The following FAM90A26 variants were observed in gnomAD, a reference collection of about 807,000 sequenced individuals.
FAM90A26 encodes the protein family with sequence similarity 90 member A26.
exon 7 of FAM90A26, chr4:9,176,104 C>A: frequency 4.3e-6 from 1 of 234,958 alleles, no homozygotes; most frequent in South Asian, 4.5e-5. Context: ...TCCCACCGAA[C>A]GTCCTCTATG....
At position 9,172,646 on chromosome 4, in the gene FAM90A26, GT is replaced by G. The variant is rs1416053640; in HGVS notation, c.-56-469del. 3.3e-4 allele frequency among the ~76,000 whole-genome samples: 8 copies of G among 24,600 alleles called. 4 individuals are homozygous for G. The East Asian group carries it at 7.7e-3, about 24-fold the overall frequency. The allele number at this position is 24,600 out of a possible 152,430, so 16.1% of individuals were successfully genotyped here. On this transcript the variant is annotated intron_variant, in intron 3 of 6. Coordinates refer to ENST00000512047, the Ensembl canonical transcript of FAM90A26. ...TCTCTCTATGAATTTGTGTTTGGAA[GT>G]TGCCTAATGAAATGGCAGGAGTAGC...
intron 3 of FAM90A26, 68 bp from the exon 4 acceptor site, chr4:9,173,049 G>A: frequency 9.0e-6 from 1 of 111,356 alleles, no homozygotes; most frequent in South Asian, 6.6e-5. Flanking sequence ...TTAGCGGGGG[G>A]GCTACCTGTG....
rs775199927 is a variant in FAM90A26, at chr4:9,171,179, C to CA, written c.-420-327dup. On this transcript the variant is annotated intron_variant, in intron 1 of 6. Coordinates refer to ENST00000512047, the Ensembl canonical transcript of FAM90A26. Reference sequence around the variant, plus strand: ...CTGGGCGACAGAGACTTTGTCTCAACAAAAAAAAAAAAAAAAAAAAAAAAA... The same window carrying CA: ...CTGGGCGACAGAGACTTTGTCTCAACAAAAAAAAAAAAAAAAAAAAAAAAAA... 2.3e-3 allele frequency among the ~76,000 whole-genome samples: 8 copies of CA among 3,434 alleles called. 4 individuals are homozygous for CA. The highest frequency in any genetic ancestry group is 3.7e-3 in the Non-Finnish European group (8 of 2,180). 2.3% of individuals were successfully genotyped at this position (3,434 alleles called of 152,430 possible). A position where few individuals can be genotyped will look rare whatever the true frequency, so the allele number is the denominator to read the frequency against.
exon 7 of FAM90A26, chr4:9,175,301 G>A (rs767706178): frequency 3.6e-6 from 1 of 279,664 alleles, no homozygotes; most frequent in East Asian, 1.1e-4. Context: ...GTCTGACAGG[G>A]GCTCCGCCTT....
Position 9,170,409 on chromosome 4 carries a change from G to A in FAM90A26, c.-534G>A. 1.9e-5 allele frequency: 3 copies of A among 157,352 alleles called. 1 individual carries two copies. Among genetic ancestry groups the A allele is most frequent in the South Asian group, 4.9e-5 (1 of 20,580 alleles). The allele number at this position is 157,352 out of a possible 1,614,324, so 9.7% of individuals were successfully genotyped here. A position where few individuals can be genotyped will look rare whatever the true frequency, so the allele number is the denominator to read the frequency against. ...CGGCAGCTCTAGTCAGGCCCCATCTGGGCCCTTCCAGAAGCAACCCAGGAG... is the reference window on the plus strand; with the variant it reads ...CGGCAGCTCTAGTCAGGCCCCATCTAGGCCCTTCCAGAAGCAACCCAGGAG... On this transcript the variant is annotated 5_prime_UTR_variant, in exon 1 of 7. Transcript: ENST00000512047.
chr4:9,174,521 CG>C lies in FAM90A26; in HGVS notation c.398del (p.Arg133GlnfsTer11). On this transcript the variant is annotated frameshift_variant, in exon 6 of 7. Transcript: ENST00000512047. LOFTEE classifies it low-confidence loss of function (END_TRUNC). ...ACCTCCAGAGAAGCCGCTGCCAAAT[CG>C]AAAAGGATCCACGGAATCTTCTGTT... The C allele has an allele frequency of 4.5e-5, 10 of 220,146 alleles. No homozygotes were observed. Among genetic ancestry groups the C allele is most frequent in the East Asian group, 1.1e-4 (1 of 8,846 alleles). The allele number at this position is 220,146 out of a possible 1,614,324, so 13.6% of individuals were successfully genotyped here.
In FAM90A26 at chr4:9,175,538, C is replaced by CAA; in HGVS notation, c.766_767insAA (p.Pro256GlnfsTer11). On this transcript the variant is annotated frameshift_variant, in exon 7 of 7. Transcript: ENST00000512047. LOFTEE classifies it low-confidence loss of function (END_TRUNC). ...CCACGGCCTGCTCCAGGCCATCAGC[C>CAA]CCCAGGCACAAGACAAACGTCCTGC... The CAA allele has an allele frequency of 3.5e-6, 1 of 283,172 alleles. No individual in the cohort carries two copies. Among genetic ancestry groups the CAA allele is most frequent in the Non-Finnish European group, 5.0e-6 (1 of 198,484 alleles). 17.5% of individuals were successfully genotyped at this position (283,172 alleles called of 1,614,324 possible).
chr4:9,175,327 C>A (rs1226321686), exon 7 of FAM90A26: 2 of 282,184 alleles, frequency 7.1e-6, no homozygotes, highest in East Asian at 2.2e-4. Flanking sequence ...CACTGTCTCC[C>A]CTCAGAAAAG....
At position 9,176,259 on chromosome 4, in the gene FAM90A26, G is replaced by T. The variant is rs1713509658; in HGVS notation, c.*92G>T. The T allele has an allele frequency of 1.6e-5, 2 of 124,134 alleles. 1 individual carries two copies. Among genetic ancestry groups the T allele is most frequent in the Non-Finnish European group, 2.9e-5 (2 of 68,862 alleles). 7.7% of individuals were successfully genotyped at this position (124,134 alleles called of 1,614,324 possible). Reference sequence around the variant, plus strand: ...GAGCTCAGAGCAGAGAGCAGACTCTGTGCGGTGACTCCGAAGCTCCCCGGC... The same window carrying T: ...GAGCTCAGAGCAGAGAGCAGACTCTTTGCGGTGACTCCGAAGCTCCCCGGC... On this transcript the variant is annotated 3_prime_UTR_variant, in exon 7 of 7. Transcript: ENST00000512047.
intron 3 of FAM90A26, among the ~76,000 whole-genome samples, chr4:9,172,425 T>TG (rs1215181009): frequency 0.035 from 1,379 of 39,566 alleles, 98 homozygotes; most frequent in African/African-American, 0.11. Context: ...AAAAGGACTT[T>TG]GGAAAAAAGG....
At position 9,176,262 on chromosome 4, in the gene FAM90A26, C is replaced by A; in HGVS notation, c.*95C>A. 2 of 120,748 alleles carry A rather than the reference C, an allele frequency of 1.7e-5. 1 individual carries two copies. The highest frequency in any genetic ancestry group is 2.8e-4 in the East Asian group (2 of 7,048). The allele number at this position is 120,748 out of a possible 1,614,324, so 7.5% of individuals were successfully genotyped here. The stretch of plus-strand genomic sequence containing the variant: ...CTCAGAGCAGAGAGCAGACTCTGTG[C>A]GGTGACTCCGAAGCTCCCCGGCTGT... On this transcript the variant is annotated 3_prime_UTR_variant, in exon 7 of 7. Transcript: ENST00000512047.
Position 9,176,627 on chromosome 4 carries a change from G to A in FAM90A26, c.*460G>A, listed in dbSNP as rs1224026718. The A allele has an allele frequency of 7.3e-5, 2 of 27,544 alleles. 1 individual carries two copies. The highest frequency in any genetic ancestry group is 1.5e-4 in the Non-Finnish European group (2 of 13,266). 1.7% of individuals were successfully genotyped at this position (27,544 alleles called of 1,614,324 possible). A position where few individuals can be genotyped will look rare whatever the true frequency, so the allele number is the denominator to read the frequency against. The stretch of plus-strand genomic sequence containing the variant: ...CGCTGGGAAGCGTGCTGTGCAAAGC[G>A]CTCTCGGGGTCTTTCCTCAGCCTCG... On this transcript the variant is annotated 3_prime_UTR_variant, in exon 7 of 7. Transcript: ENST00000512047.
chr4:9,175,624 C>A, exon 7 of FAM90A26: 1 of 264,704 alleles, frequency 3.8e-6, no homozygotes, highest in Non-Finnish European at 5.5e-6. Context: ...GCTCCAATCT[C>A]AGCTTCGGGC....
chr4:9,173,251 C>T lies in FAM90A26; in HGVS notation c.79C>T (p.Pro27Ser), dbSNP rs1200666924. 7.8e-6 allele frequency: 2 copies of T among 255,282 alleles called. 1 individual carries two copies. The highest frequency in any genetic ancestry group is 3.1e-4 in the African/African-American group (2 of 6,412). 15.8% of individuals were successfully genotyped at this position (255,282 alleles called of 1,614,324 possible). ...GACCCTCCAGAAGCAGCGGAGAGCC[C>T]CAGTTGGGCCAAGGGCTCCCCCGCC... The change falls in exon 4 of 7, where the codon CCA becomes TCA. Residue 27 changes from proline (P) to serine (S), a missense_variant. Transcript: ENST00000512047.
rs1468901949 is a variant in FAM90A26 at position 9,170,990 on chromosome 4, C to T, written c.-421+468C>T. On this transcript the variant is annotated intron_variant, in intron 1 of 6. Transcript: ENST00000512047. Reference sequence around the variant, plus strand: ...CCTGAGGTCAGGAGTTCAAGACCAGCCTGGCCAACATGGTGAAACACTGTT... The same window carrying T: ...CCTGAGGTCAGGAGTTCAAGACCAGTCTGGCCAACATGGTGAAACACTGTT... 1.8e-4 allele frequency among the ~76,000 whole-genome samples: 4 copies of T among 22,670 alleles called. 1 individual carries two copies. In the South Asian group the frequency reaches 2.8e-3, roughly 16 times the overall value. The allele number at this position is 22,670 out of a possible 152,430, so 14.9% of individuals were successfully genotyped here.
chr4:9,171,318 C>T (rs140641797), intron 1 of FAM90A26, among the ~76,000 whole-genome samples: 8 of 22,940 alleles, frequency 3.5e-4, no homozygotes, highest in Non-Finnish European at 3.5e-4. Flanking sequence ...GCTGTGAAAC[C>T]CTCTGAGCCT....
rs934745029 is a variant in FAM90A26, at chr4:9,176,452, C to T, written c.*285C>T. The stretch of plus-strand genomic sequence containing the variant: ...TCGTTGCCTCAGAAACTGCGTGACG[C>T]GCAGGAGTCAGACTTCCGCTGGGAC... On this transcript the variant is annotated 3_prime_UTR_variant, in exon 7 of 7. Coordinates refer to ENST00000512047, the Ensembl canonical transcript of FAM90A26. The T allele has an allele frequency of 3.2e-5, 2 of 61,698 alleles. 1 individual carries two copies. The highest frequency in any genetic ancestry group is 6.4e-5 in the Non-Finnish European group (2 of 31,166). The allele number at this position is 61,698 out of a possible 1,614,324, so 3.8% of individuals were successfully genotyped here.
chr4:9,172,378 A>G (rs1364934279), intron 3 of FAM90A26, among the ~76,000 whole-genome samples: 559 of 33,578 alleles, frequency 0.017, 28 homozygotes, highest in African/African-American at 0.055. Flanking sequence ...TGCGAAAAGA[A>G]ATGTACTGCA....
rs1246109993 is a variant in FAM90A26, at chr4:9,175,149, T to G, written c.433-56T>G. 2.2e-4 allele frequency: 39 copies of G among 173,752 alleles called. 19 individuals are homozygous for G. In the African/African-American group the frequency reaches 6.6e-3, roughly 29 times the overall value. The allele number at this position is 173,752 out of a possible 1,614,324, so 10.8% of individuals were successfully genotyped here. ...AGCCTGTCTTTGGATGTGGTTGATTTTCACGTTGGCTCCATGCTGAGGAGC... is the reference window on the plus strand; with the variant it reads ...AGCCTGTCTTTGGATGTGGTTGATTGTCACGTTGGCTCCATGCTGAGGAGC... On this transcript the variant is annotated intron_variant, in intron 6 of 6. Transcript: ENST00000512047.
Sources: gnomAD v4.1 joint callset for allele counts (sites outside exome capture counted in the v4.1 genomes callset) on GRCh38, gnomAD v4.1.1 for gene constraint, MANE v1.5 for transcripts, NCBI Gene and HGNC (gene_info 2026-07-23, HGNC 2026-07-21) for gene names.